Variants in GRAMD2B observed in about 807,000 individuals in gnomAD.
GRAMD2B encodes the protein GRAM domain containing 2B.
A neutral mutation model predicts 59.2 loss-of-function variants in GRAMD2B; 41 were observed. The observed-to-expected ratio is 0.69, with a 90% CI of 0.54 to 0.90. The LOEUF (loss-of-function observed/expected upper bound fraction) is 0.90. GRAMD2B is among the 40% of genes least tolerant of loss of function. The pLI is 0.00. For synonymous variants in GRAMD2B, 161 were observed against 182.7 expected, an observed-to-expected ratio of 0.88 and a Z score of 0.96; for missense variants, 424 against 500.5, an observed-to-expected ratio of 0.85 and a Z score of 1.46.
chr5:126,425,038 G>T (rs73783691), intron 1 of GRAMD2B, among the ~76,000 whole-genome samples: 4,636 of 152,284 alleles, frequency 0.03, 243 homozygotes, highest in African/African-American at 0.1. Flanking sequence ...TCTCTGCCAA[G>T]ATTTTAAGAT....
At chr5:126,365,471 C>CT (rs1754401075) in intron 1 of GRAMD2B, among the ~76,000 whole-genome samples, 1 of 152,156 alleles carries the variant, frequency 6.6e-6, no homozygotes, top group Non-Finnish European at 1.5e-5. Flanking sequence ...AAGAATGCTG[C>CT]TTTTTAAAAT....
chr5:126,442,744 T>G lies in GRAMD2B; in HGVS notation c.83+19055T>G, dbSNP rs376299645. Among the ~76,000 whole-genome samples the G allele has an allele frequency of 1.9e-4, 29 of 152,192 alleles. No homozygotes were observed. The East Asian group carries it at 4.6e-3, about 24-fold the overall frequency. ...GTACAACTGGTGTCTCTAAATTAAA[T>G]GTGGTCTCTATTACTTCTCTTCTTT... On this transcript the variant is annotated intron_variant, in intron 1 of 13. Transcript: ENST00000285689.
chr5:126,461,565 C>T (rs751135459), intron 1 of GRAMD2B, among the ~76,000 whole-genome samples: 5 of 152,158 alleles, frequency 3.3e-5, no homozygotes, highest in Middle Eastern at 6.8e-3. Context: ...TTTGGGAGGC[C>T]GAAGCAGGTG....
At chr5:126,476,636 A>AC (rs1770681169) in intron 5 of GRAMD2B, among the ~76,000 whole-genome samples, 1 of 152,182 alleles carries the variant, frequency 6.6e-6, no homozygotes, top group Non-Finnish European at 1.5e-5. Context: ...TAGGACATGC[A>AC]CCTCTCTAAA....
At chr5:126,389,332 A>T (rs1216114572) in intron 1 of GRAMD2B, among the ~76,000 whole-genome samples, 5 of 152,202 alleles carry the variant, frequency 3.3e-5, no homozygotes, top group African/African-American at 1.2e-4. Context: ...TTGGACTGTC[A>T]TCTCACATAT....
intron 1 of GRAMD2B, among the ~76,000 whole-genome samples, chr5:126,403,344 T>C (rs761044748): frequency 2.0e-5 from 3 of 152,048 alleles, no homozygotes; most frequent in Non-Finnish European, 2.9e-5. Context: ...ATCTGAGTTC[T>C]TTCCACATTA....
intron 1 of GRAMD2B, among the ~76,000 whole-genome samples, chr5:126,435,001 T>C (rs1038144052): frequency 1.3e-5 from 2 of 152,216 alleles, no homozygotes; most frequent in Non-Finnish European, 2.9e-5. Flanking sequence ...ACAACCATTT[T>C]ATCTAAGATC....
At chr5:126,379,627 T>C (rs1251135032) in intron 1 of GRAMD2B, among the ~76,000 whole-genome samples, 1 of 152,198 alleles carries the variant, frequency 6.6e-6, no homozygotes, top group Non-Finnish European at 1.5e-5. Context: ...TATCGCATTG[T>C]GGTTTTGATT....
chr5:126,398,411 T>C (rs775351182), intron 1 of GRAMD2B, among the ~76,000 whole-genome samples: 29 of 152,292 alleles, frequency 1.9e-4, no homozygotes, highest in African/African-American at 7.0e-4. Context: ...TTTTGGCATA[T>C]GATCATTCAT....
chr5:126,441,310 C>G (rs1274042336), intron 1 of GRAMD2B, among the ~76,000 whole-genome samples: 2 of 152,204 alleles, frequency 1.3e-5, no homozygotes, highest in Non-Finnish European at 2.9e-5. Flanking sequence ...AATTAAGTCT[C>G]ACATCAAACT....
chr5:126,401,058 C>T (rs925485524), intron 1 of GRAMD2B, among the ~76,000 whole-genome samples: 13 of 151,980 alleles, frequency 8.6e-5, no homozygotes, highest in Admixed American at 6.6e-4. Context: ...CAGAGGCTCT[C>T]GTAATGCATA....
intron 11 of GRAMD2B, among the ~76,000 whole-genome samples, chr5:126,486,574 C>A (rs1397786920): frequency 6.6e-6 from 1 of 152,130 alleles, no homozygotes; most frequent in Non-Finnish European, 1.5e-5. Context: ...GACGGTAGTA[C>A]CGCAGGGAGG....
At chr5:126,484,831 G>A (rs1213166879) in intron 10 of GRAMD2B, among the ~76,000 whole-genome samples, 2 of 152,012 alleles carry the variant, frequency 1.3e-5, no homozygotes, top group Non-Finnish European at 1.5e-5. Flanking sequence ...TGATCCACCC[G>A]CCTCAGCCTC....
intron 1 of GRAMD2B, among the ~76,000 whole-genome samples, chr5:126,402,927 A>G (rs1757961971): frequency 6.6e-6 from 1 of 151,958 alleles, no homozygotes; most frequent in Non-Finnish European, 1.5e-5. Flanking sequence ...TCTCTTTTCC[A>G]TAGGGGCTGA....
At chr5:126,488,111 C>T (rs925460727) in intron 12 of GRAMD2B, among the ~76,000 whole-genome samples, 7 of 152,158 alleles carry the variant, frequency 4.6e-5, no homozygotes, top group Non-Finnish European at 7.3e-5. Flanking sequence ...TACATGTATG[C>T]AGGCATACAG....
At chr5:126,367,742 A>ATTTTCTTTTC (rs200204515), upstream of GRAMD2B, among the ~76,000 whole-genome samples, 4 of 151,854 alleles carry the variant, frequency 2.6e-5, no homozygotes, top group Non-Finnish European at 5.9e-5. Flanking sequence ...GCTTCAGAAG[A>ATTTTCTTTTC]TTTTCTTTTC....
upstream of GRAMD2B, among the ~76,000 whole-genome samples, chr5:126,422,995 T>C (rs1043175603): frequency 6.8e-6 from 1 of 146,604 alleles, no homozygotes; most frequent in African/African-American, 2.5e-5. Flanking sequence ...TATTCCCACA[T>C]AAAAAATTGA....
At chr5:126,401,496 T>C (rs1395870193) in intron 1 of GRAMD2B, among the ~76,000 whole-genome samples, 1 of 152,112 alleles carries the variant, frequency 6.6e-6, no homozygotes, top group Non-Finnish European at 1.5e-5. Context: ...GGTGGAATCA[T>C]GTTTCCTTGA....
intron 1 of GRAMD2B, among the ~76,000 whole-genome samples, chr5:126,415,179 C>T (rs984778745): frequency 6.6e-6 from 1 of 152,044 alleles, no homozygotes; most frequent in Non-Finnish European, 1.5e-5. Context: ...AGGGGGTGGA[C>T]AATTGGGAAT....
Sources: gnomAD v4.1 joint callset for allele counts (sites outside exome capture counted in the v4.1 genomes callset) on GRCh38, gnomAD v4.1.1 for gene constraint, MANE v1.5 for transcripts, NCBI Gene and HGNC (gene_info 2026-07-23, HGNC 2026-07-21) for gene names.